Variants in WWOX observed in about 807,000 individuals in gnomAD.
WWOX encodes the protein WW domain containing oxidoreductase.
In WWOX, 69 loss-of-function variants were observed where a neutral mutation model predicts 46.2. The observed-to-expected ratio is 1.49, with a 90% CI of 1.23 to 1.82. WWOX has a LOEUF of 1.82. WWOX is among the 40% of genes most tolerant of loss of function. The pLI is 0.00. For missense variants in WWOX, 919 were observed against 542.6 expected, an observed-to-expected ratio of 1.69 and a Z score of -6.89; for synonymous variants, 359 against 202.6, an observed-to-expected ratio of 1.77 and a Z score of -6.56.
chr16:78,625,414 T>C (rs764791788), intron 8 of WWOX, among the ~76,000 whole-genome samples: 4 of 152,184 alleles, frequency 2.6e-5, no homozygotes, highest in South Asian at 2.1e-4. Context: ...TAGAATGCCA[T>C]ATGCTTTTCT....
At chr16:79,060,387 T>C (rs2048337461) in intron 8 of WWOX, among the ~76,000 whole-genome samples, 1 of 152,264 alleles carries the variant, frequency 6.6e-6, no homozygotes, top group South Asian at 2.1e-4. Context: ...GGTAAGGTTC[T>C]TGAAAACTGA....
chr16:78,700,799 A>G (rs1240629064), intron 8 of WWOX, among the ~76,000 whole-genome samples: 1 of 152,214 alleles, frequency 6.6e-6, no homozygotes, highest in African/African-American at 2.4e-5. Flanking sequence ...GCGGGTGCTT[A>G]GTGAATATTT....
At chr16:79,125,572 C>T (rs1384873538) in intron 8 of WWOX, among the ~76,000 whole-genome samples, 2 of 151,826 alleles carry the variant, frequency 1.3e-5, no homozygotes, top group East Asian at 1.9e-4. Flanking sequence ...TGAATCCATC[C>T]GTGTGGCAAA....
intron 8 of WWOX, among the ~76,000 whole-genome samples, chr16:78,993,746 A>G (rs1008457802): frequency 5.3e-5 from 8 of 152,312 alleles, no homozygotes; most frequent in Middle Eastern, 3.4e-3. Flanking sequence ...TATTTATATA[A>G]CACACTCGCC....
intron 8 of WWOX, among the ~76,000 whole-genome samples, chr16:78,581,661 C>G (rs773721024): frequency 2.6e-5 from 4 of 152,074 alleles, no homozygotes; most frequent in Non-Finnish European, 5.9e-5. Flanking sequence ...GGAATAAATG[C>G]TACCCATAGA....
At chr16:78,300,555 C>T (rs2080022156) in intron 5 of WWOX, among the ~76,000 whole-genome samples, 1 of 151,790 alleles carries the variant, frequency 6.6e-6, no homozygotes, top group Non-Finnish European at 1.5e-5. Context: ...TCCTTCTCTC[C>T]CTCCCTTCCC....
At chr16:79,208,355 C>G (rs989308896) in intron 8 of WWOX, among the ~76,000 whole-genome samples, 1 of 149,178 alleles carries the variant, frequency 6.7e-6, no homozygotes, top group Middle Eastern at 3.2e-3. Context: ...ATACAACCTA[C>G]AGGCTTCTGA....
chr16:79,019,698 T>G (rs544246153), intron 8 of WWOX, among the ~76,000 whole-genome samples: 1 of 151,698 alleles, frequency 6.6e-6, no homozygotes, highest in African/African-American at 2.4e-5. Flanking sequence ...AGGGTGTAAT[T>G]GTTGCAGGCA....
chr16:78,331,882 A>G (rs1437013737), intron 5 of WWOX, among the ~76,000 whole-genome samples: 1 of 152,170 alleles, frequency 6.6e-6, no homozygotes, highest in East Asian at 1.9e-4. Flanking sequence ...CCCTTTACAG[A>G]CACAGAAACT....
intron 8 of WWOX, among the ~76,000 whole-genome samples, chr16:78,724,318 C>T (rs540099281): frequency 6.6e-6 from 1 of 152,284 alleles, no homozygotes; most frequent in East Asian, 1.9e-4. Context: ...CTGTGATTAA[C>T]TTGCATAAAA....
chr16:78,735,394 A>AACACACATACAC (rs2049064743), intron 8 of WWOX, among the ~76,000 whole-genome samples: 2 of 121,276 alleles, frequency 1.6e-5, no homozygotes, highest in African/African-American at 6.2e-5. Flanking sequence ...ACCACACACA[A>AACACACATACAC]ACACACACAC....
chr16:78,184,089 C>T (rs999821948), intron 5 of WWOX, among the ~76,000 whole-genome samples: 1 of 152,164 alleles, frequency 6.6e-6, no homozygotes, highest in African/African-American at 2.4e-5. Flanking sequence ...GCACAGACCT[C>T]GGTGCTCACG....
intron 6 of WWOX, among the ~76,000 whole-genome samples, chr16:78,414,604 C>T (rs2082757429): frequency 6.6e-6 from 1 of 152,134 alleles, no homozygotes; most frequent in Admixed American, 6.6e-5. Flanking sequence ...TCTGAAAAGA[C>T]ATCTCAAAAG....
chr16:78,716,749 A>G (rs117001830), intron 8 of WWOX, among the ~76,000 whole-genome samples: 3 of 152,064 alleles, frequency 2.0e-5, no homozygotes. Flanking sequence ...AAGCGTCTCT[A>G]TTCGAATTGC....
At chr16:78,442,424 A>G (rs1363966873) in intron 8 of WWOX, among the ~76,000 whole-genome samples, 1 of 151,906 alleles carries the variant, frequency 6.6e-6, no homozygotes, top group African/African-American at 2.4e-5. Context: ...TTTGACCACT[A>G]TCTCCCCATT....
intron 8 of WWOX, among the ~76,000 whole-genome samples, chr16:78,726,174 T>TTCTC (rs548194273): frequency 2.0e-5 from 3 of 146,720 alleles, no homozygotes; most frequent in Non-Finnish European, 4.5e-5. Flanking sequence ...TGTCTCTCTT[T>TTCTC]TCTCTCTCTC....
intron 8 of WWOX, among the ~76,000 whole-genome samples, chr16:78,800,635 C>A (rs968186506): frequency 4.6e-5 from 7 of 152,154 alleles, no homozygotes; most frequent in African/African-American, 1.7e-4. Flanking sequence ...TGGCAGCTGA[C>A]GGCCAAAGGG....
chr16:78,570,502 A>G (rs1567651966), intron 8 of WWOX, among the ~76,000 whole-genome samples: 1 of 151,906 alleles, frequency 6.6e-6, no homozygotes, highest in African/African-American at 2.4e-5. Context: ...TTTTATAGAG[A>G]TGCAGTATCG....
intron 6 of WWOX, among the ~76,000 whole-genome samples, chr16:78,414,493 C>T (rs9926269): frequency 1.3e-5 from 2 of 152,258 alleles, no homozygotes; most frequent in East Asian, 3.9e-4. Flanking sequence ...CACTTAAACC[C>T]AGGAGGAGGA....
Sources: gnomAD v4.1 joint callset for allele counts (sites outside exome capture counted in the v4.1 genomes callset) on GRCh38, gnomAD v4.1.1 for gene constraint, MANE v1.5 for transcripts, NCBI Gene and HGNC (gene_info 2026-07-23, HGNC 2026-07-21) for gene names.